Variants in TFR2 observed in about 807,000 individuals in gnomAD.
TFR2 encodes transferrin receptor 2.
Under a neutral mutation model 91.9 loss-of-function variants are expected in TFR2, and 64 were observed. The ratio of observed to expected loss-of-function variants is 0.70; its 90% confidence interval spans 0.57 to 0.86. The LOEUF (loss-of-function observed/expected upper bound fraction) is 0.86, where lower values mean the gene tolerates loss of function less well. TFR2 is among the 40% of genes least tolerant of loss of function. The pLI, the probability that TFR2 is intolerant of heterozygous loss-of-function variation, is 0.00. For synonymous variants in TFR2, 454 were observed against 459.6 expected, an observed-to-expected ratio of 0.99 and a Z score of 0.15; for missense variants, 950 against 1,080.5, an observed-to-expected ratio of 0.88 and a Z score of 1.69.
At position 100,630,843 on chromosome 7, in the gene TFR2, C is replaced by T. The variant is rs547889468; in HGVS notation, c.1270+46G>A. 1.2e-5 allele frequency: 20 copies of T among 1,610,726 alleles called. No individual in the cohort carries two copies. The East Asian group carries it at 4.0e-4, about 32-fold the overall frequency. ...TGCCAGGGTGTATGGGCAGAAATTC[C>T]CCCAGCCCACCACCAGCTGTGAGTG... On this transcript the variant is annotated intron_variant, in intron 9 of 17. Coordinates refer to ENST00000223051, the MANE Select transcript of TFR2 (RefSeq NM_003227.4).
Position 100,627,654 on chromosome 7 carries a change from G to A in TFR2, c.1690C>T (p.Pro564Ser), listed in dbSNP as rs760739518. ...TAGGCACTGCTGTCCATGGGTAGGG[G>A]CCGGATCCTGGGGGCAGGTGGGTTG... is the stretch of plus-strand genomic sequence containing the variant. The part of the protein sequence containing the change: ...NPSWDAEVIR[P>S]LPMDSSAYSF... The change falls in exon 15 of 18, where the codon CCC becomes TCC. Residue 564 changes from proline (P) to serine (S), a missense_variant. Transcript: ENST00000223051. 3 of 1,614,142 alleles carry A rather than the reference G, an allele frequency of 1.9e-6. No individual in the cohort carries two copies. Among genetic ancestry groups the A allele is most frequent in the East Asian group, 2.2e-5 (1 of 44,890 alleles).
chr7:100,635,273 A>G (rs1172251114), intron 3 of TFR2, among the ~76,000 whole-genome samples: 1 of 143,096 alleles, frequency 7.0e-6, no homozygotes. Context: ...ATAGGGTCTC[A>G]CTCTGTCACC....
Position 100,620,613 on chromosome 7 carries a change from A to AG in TFR2, c.*243dup, listed in dbSNP as rs1188322780. 1 of 510,072 alleles carries AG rather than the reference A, an allele frequency of 2.0e-6. No homozygotes were observed. Among genetic ancestry groups the AG allele is most frequent in the Non-Finnish European group, 3.5e-6 (1 of 284,532 alleles). The allele number at this position is 510,072 out of a possible 1,614,324, so 31.6% of individuals were successfully genotyped here. The stretch of plus-strand genomic sequence containing the variant: ...AGAAAGGGGAAGGGGCTGTGATTGA[A>AG]GGGATGCTACTCTCTGATTAACCGA... On this transcript the variant is annotated 3_prime_UTR_variant, in exon 18 of 18. Transcript: ENST00000223051.
chr7:100,627,869 C>T (rs750198791), intron 13 of TFR2, 38 bp downstream of exon 13: 2 of 1,614,110 alleles, frequency 1.2e-6, no homozygotes, highest in South Asian at 2.2e-5. Context: ...TCCCCGCAAC[C>T]TACTCCCCTT....
chr7:100,639,145 C>T (rs568788966), intron 3 of TFR2, among the ~76,000 whole-genome samples: 1 of 152,154 alleles, frequency 6.6e-6, no homozygotes, highest in Non-Finnish European at 1.5e-5. Context: ...TTTGGCAGAT[C>T]GCTTGAGCTT....
In TFR2 at chr7:100,629,547, C is replaced by T. The variant is rs75009042; in HGVS notation, c.1271-175G>A. Among the ~76,000 whole-genome samples the T allele has an allele frequency of 7.9e-5, 12 of 152,206 alleles. No individual in the cohort carries two copies. In the East Asian group the frequency reaches 2.1e-3, roughly 27 times the overall value. ...CTTGGCCCTTCCTGGATGGTGTGCT[C>T]CTTCAGCTGGGTGCCTGAGGTCATT... On this transcript the variant is annotated intron_variant, in intron 9 of 17. Coordinates refer to ENST00000223051, the MANE Select transcript of TFR2 (RefSeq NM_003227.4).
Position 100,631,634 on chromosome 7 carries a change from A to G in TFR2, c.1106+172T>C, listed in dbSNP as rs574416780. On this transcript the variant is annotated intron_variant, in intron 8 of 17. Transcript: ENST00000223051. ...GCAAGACTCCATCTCAAAAAAAAAA[A>G]AAGGTCAGGGTCTCTCTGTCTCCCA... The G allele has an allele frequency of 2.0e-4, 170 of 843,638 alleles. 2 individuals carry two copies. In the South Asian group the frequency reaches 2.5e-3, roughly 13 times the overall value. The allele number at this position is 843,638 out of a possible 1,614,324, so 52.3% of individuals were successfully genotyped here.
At chr7:100,634,098 G>T (rs2131321679) in intron 3 of TFR2, among the ~76,000 whole-genome samples, 1 of 151,532 alleles carries the variant, frequency 6.6e-6, no homozygotes, top group South Asian at 2.1e-4. Flanking sequence ...TCCCATAGCT[G>T]GGGGTCCTGC....
chr7:100,621,113 A>G lies in TFR2; in HGVS notation c.2150T>C (p.Phe717Ser). ...GGCTGGCGACACGTACTGGGAAAGG[A>G]AGTAGAACTCCACCTGCGCAGAGAG... ...NVRIMRVEFY[F>S]LSQYVSPADS... The change falls in exon 18 of 18, where the codon TTC becomes TCC. Residue 717 changes from phenylalanine (F) to serine (S), a missense_variant. Transcript: ENST00000223051. 6.5e-7 allele frequency: 1 copy of G among 1,526,738 alleles called. No individual in the cohort carries two copies. The highest frequency in any genetic ancestry group is 8.8e-7 in the Non-Finnish European group (1 of 1,130,272). 94.6% of individuals were successfully genotyped at this position (1,526,738 alleles called of 1,614,324 possible).
chr7:100,625,047 CTTTTTCTTTTTCT>C (rs1406011159), intron 17 of TFR2, among the ~76,000 whole-genome samples: 12 of 127,796 alleles, frequency 9.4e-5, no homozygotes, highest in African/African-American at 3.4e-4. Flanking sequence ...GCATCTTTTT[CTTTTTCTTTTTCT>C]TTTTTTTTTT....
intron 10 of TFR2, 136 bp from the exon 11 acceptor site, chr7:100,628,442 C>T (rs1286054698): frequency 3.5e-6 from 3 of 863,776 alleles, no homozygotes; most frequent in Non-Finnish European, 5.5e-6. Flanking sequence ...CTCTCTCGCC[C>T]AGGCTGGAGT....
chr7:100,636,325 A>G (rs1006949725), intron 3 of TFR2, among the ~76,000 whole-genome samples: 1 of 151,410 alleles, frequency 6.6e-6, no homozygotes, highest in African/African-American at 2.4e-5. Flanking sequence ...ACAGGCATGC[A>G]CCATCACACC....
chr7:100,635,765 A>G (rs891935683), intron 3 of TFR2, among the ~76,000 whole-genome samples: 1 of 151,184 alleles, frequency 6.6e-6, no homozygotes, highest in Non-Finnish European at 1.5e-5. Flanking sequence ...TGCCTGGTCA[A>G]ATTATTATTA....
At position 100,630,936 on chromosome 7, in the gene TFR2, G is replaced by T. The variant is rs773669738; in HGVS notation, c.1223C>A (p.Thr408Asn). Residue 408 changes from threonine to asparagine, a missense_variant, in exon 9 of 18, where the codon ACC becomes AAC. Physicochemically the swap from Thr to Asn is moderately conservative, Grantham distance 65. Coordinates refer to ENST00000223051, the MANE Select transcript of TFR2 (RefSeq NM_003227.4). ...GCAGCCGAAGATGTTGTTGATGGGG[G>T]TGGAGGTCCTGTGATTGTTGACCAC... Reference protein sequence around the residue: ...RLVVNNHRTSTPINNIFGCIE... With the variant: ...RLVVNNHRTSNPINNIFGCIE... 1.9e-6 allele frequency: 3 copies of T among 1,613,140 alleles called. No homozygotes were observed. Among genetic ancestry groups the T allele is most frequent in the African/African-American group, 1.3e-5 (1 of 74,912 alleles).
At chr7:100,638,684 G>A (rs919485280) in intron 3 of TFR2, among the ~76,000 whole-genome samples, 3 of 151,800 alleles carry the variant, frequency 2.0e-5, no homozygotes, top group Non-Finnish European at 4.4e-5. Context: ...CTGGGAGGTG[G>A]AGGTTGCCAT....
intron 3 of TFR2, among the ~76,000 whole-genome samples, chr7:100,639,377 A>G (rs1161547673): frequency 6.6e-6 from 1 of 152,232 alleles, no homozygotes; most frequent in East Asian, 1.9e-4. Flanking sequence ...CAAAAAATCA[A>G]TCAATCAATA....
chr7:100,640,338 G>C (rs1803671134), intron 3 of TFR2: 1 of 286,578 alleles, frequency 3.5e-6, no homozygotes, highest in Non-Finnish European at 6.6e-6. Flanking sequence ...CGGCTTCTCA[G>C]AACCCCTCAG....
At position 100,627,919 on chromosome 7, in the gene TFR2, ACT is replaced by A. The variant is rs890005464; in HGVS notation, c.1591_1592del (p.Ser531CysfsTer17). 6.2e-7 allele frequency: 1 copy of A among 1,613,614 alleles called. No homozygotes were observed. The highest frequency in any genetic ancestry group is 1.3e-5 in the African/African-American group (1 of 74,784). ...GGGGTGCTCTTGCCTGCTTCAGGAC[ACT>A]CTCAATGAGACTTGTCAGAAGGGGG... ...TSPLLTSLIE[S>X]VLKQVDSPNH... On this transcript the variant is annotated frameshift_variant, in exon 13 of 18. Transcript: ENST00000223051. LOFTEE classifies it high-confidence loss of function.
At chr7:100,632,560 T>C (rs890539509) in intron 6 of TFR2, among the ~76,000 whole-genome samples, 14 of 146,410 alleles carry the variant, frequency 9.6e-5, no homozygotes, top group East Asian at 3.9e-4. Flanking sequence ...TCTTTTTTTT[T>C]TTTTTCTTTT....
Sources: allele counts gnomAD v4.1 joint callset (sites outside exome capture counted in the v4.1 genomes callset), GRCh38; gene constraint gnomAD v4.1.1; transcripts MANE v1.5; gene names NCBI Gene and HGNC (gene_info 2026-07-23, HGNC 2026-07-21).